Variants in VPS13B observed in about 807,000 individuals in gnomAD.
VPS13B encodes the protein vacuolar protein sorting 13 homolog B, also known as intermembrane lipid transfer protein VPS13B.
A neutral mutation model predicts 426.4 loss-of-function variants in VPS13B; 285 were observed. The ratio of observed to expected loss-of-function variants is 0.67; its 90% CI spans 0.61 to 0.74. VPS13B has a LOEUF of 0.74. VPS13B is among the 30% of genes least tolerant of loss of function. The pLI is 0.00. For synonymous variants in VPS13B, 1,676 were observed against 1,676.4 expected (o/e 1.00, Z 0.01); for missense variants, 4,537 against 4,782.6 (o/e 0.95, Z 1.51).
chr8:99,168,026 A>G (rs1459149899), intron 15 of VPS13B, among the ~76,000 whole-genome samples: 1 of 152,138 alleles, frequency 6.6e-6, no homozygotes, highest in Non-Finnish European at 1.5e-5. Flanking sequence ...TAGGTTTTGT[A>G]AATCTATGTA....
At chr8:99,275,041 G>A in intron 18 of VPS13B, 40 bp from the exon 19 acceptor site, 10 of 1,516,258 alleles carry the variant, frequency 6.6e-6, no homozygotes, top group African/African-American at 5.6e-5. Flanking sequence ...AGTGACTCAT[G>A]TTTTATTTTT....
intron 19 of VPS13B, among the ~76,000 whole-genome samples, chr8:99,294,161 C>T (rs1819898381): frequency 1.5e-5 from 1 of 65,282 alleles, no homozygotes; most frequent in Admixed American, 1.1e-4. Flanking sequence ...CAATGATAGA[C>T]TGGATTAAGA....
intron 33 of VPS13B, among the ~76,000 whole-genome samples, chr8:99,639,647 CAT>C (rs142420928): frequency 1.1e-4 from 17 of 147,978 alleles, no homozygotes; most frequent in East Asian, 5.9e-4. Flanking sequence ...TAAGTTATTG[CAT>C]ATATATATAT....
chr8:99,079,066 C>T (rs576883630), intron 3 of VPS13B, among the ~76,000 whole-genome samples: 14 of 152,136 alleles, frequency 9.2e-5, no homozygotes, highest in Non-Finnish European at 1.9e-4. Flanking sequence ...TATCAGGTGC[C>T]AGATGTGGTG....
At chr8:99,546,547 T>G (rs1185099743) in intron 30 of VPS13B, among the ~76,000 whole-genome samples, 2 of 152,054 alleles carry the variant, frequency 1.3e-5, no homozygotes, top group African/African-American at 4.8e-5. Flanking sequence ...ATCTGTAAAA[T>G]GAAGTCTACC....
chr8:99,653,486 T>A (rs919513017), intron 34 of VPS13B, among the ~76,000 whole-genome samples: 2 of 151,154 alleles, frequency 1.3e-5, no homozygotes, highest in African/African-American at 4.9e-5. Context: ...TTTTTTTCAC[T>A]GAATAGCACC....
rs907243467 is a variant in VPS13B, at chr8:99,563,529, G to GA, written c.4949+6884dup. On this transcript the variant is annotated intron_variant, in intron 31 of 61. Transcript: ENST00000357162. The stretch of plus-strand genomic sequence containing the variant: ...CAATCATTCATTTCTCTTTTTAAAA[G>GA]AAAAAAAAGAGAAATGAATGATTGA... Among the ~76,000 whole-genome samples the GA allele has an allele frequency of 7.9e-5, 12 of 151,782 alleles. No individual in the cohort carries two copies. In the East Asian group the frequency reaches 1.7e-3, roughly 22 times the overall value.
At chr8:99,764,021 A>G (rs1267855751) in intron 39 of VPS13B, among the ~76,000 whole-genome samples, 1 of 152,224 alleles carries the variant, frequency 6.6e-6, no homozygotes, top group Non-Finnish European at 1.5e-5. Flanking sequence ...TAGGAAAGAA[A>G]GGTTAGGGAG....
rs564401724 is a variant in VPS13B at position 99,243,933 on chromosome 8, A to G, written c.2516-30265A>G. On this transcript the variant is annotated intron_variant, in intron 17 of 61. Transcript: ENST00000357162. ...ACTGCAGAATCTTTAGCTTATAGAC[A>G]CAGCTGCAAACAGGTGAACAGGCAG... Among the ~76,000 whole-genome samples the G allele has an allele frequency of 7.9e-5, 12 of 152,354 alleles. No individual in the cohort carries two copies. The East Asian group carries it at 2.3e-3, about 29-fold the overall frequency.
chr8:99,763,135 CAAAAAAAAAAAA>C (rs750289763), intron 39 of VPS13B, among the ~76,000 whole-genome samples: 4,448 of 35,988 alleles, frequency 0.12, 119 homozygotes, highest in Middle Eastern at 0.14. Context: ...GACCTTGTCT[CAAAAAAAAAAAA>C]AAAAAAAAAA....
chr8:99,118,988 C>A (rs1393715485), intron 7 of VPS13B, among the ~76,000 whole-genome samples: 1 of 152,146 alleles, frequency 6.6e-6, no homozygotes, highest in African/African-American at 2.4e-5. Context: ...TTTTATATTC[C>A]TATCAACAAT....
intron 42 of VPS13B, among the ~76,000 whole-genome samples, chr8:99,783,771 G>C (rs1812130211): frequency 6.6e-6 from 1 of 152,190 alleles, no homozygotes; most frequent in Non-Finnish European, 1.5e-5. Context: ...TAGAGGGAAA[G>C]TTATGGTTTT....
intron 22 of VPS13B, among the ~76,000 whole-genome samples, chr8:99,441,733 A>G (rs758228177): frequency 2.6e-5 from 4 of 152,148 alleles, no homozygotes; most frequent in Admixed American, 2.6e-4. Flanking sequence ...GAACATTAAG[A>G]TAATACATGA....
rs2132637470 is a variant in VPS13B, at chr8:99,161,319, T to G, written c.2208+4576T>G. On this transcript the variant is annotated intron_variant, in intron 15 of 61. Coordinates refer to ENST00000357162, the MANE Select transcript of VPS13B (RefSeq NM_152564.5). ...TTATTTAACCCAATATATGCAAATA[T>G]TGGTTAACATGCAGTCAACATAAAA... Among the ~76,000 whole-genome samples, 4 of 152,304 alleles carry G rather than the reference T, an allele frequency of 2.6e-5. 1 individual carries two copies. Among genetic ancestry groups the G allele is most frequent in the Admixed American group, 2.6e-4 (4 of 15,296 alleles).
chr8:99,269,199 TA>T (rs1302337379), intron 17 of VPS13B, among the ~76,000 whole-genome samples: 1 of 152,092 alleles, frequency 6.6e-6, no homozygotes, highest in Non-Finnish European at 1.5e-5. Flanking sequence ...AGGAGGAAAA[TA>T]ACAGTGCATT....
chr8:99,473,080 G>GA (rs2133530097), intron 24 of VPS13B, among the ~76,000 whole-genome samples: 1 of 151,998 alleles, frequency 6.6e-6, no homozygotes, highest in East Asian at 1.9e-4. Flanking sequence ...AAATATTCTG[G>GA]AAAAAATAAC....
At chr8:99,057,858 A>G (rs766604051) in intron 3 of VPS13B, among the ~76,000 whole-genome samples, 1 of 152,072 alleles carries the variant, frequency 6.6e-6, no homozygotes. Flanking sequence ...CTGCTTTCCT[A>G]TCTCTTGAGT....
intron 36 of VPS13B, among the ~76,000 whole-genome samples, chr8:99,711,810 T>C (rs1435299659): frequency 6.6e-6 from 1 of 152,226 alleles, no homozygotes; most frequent in East Asian, 1.9e-4. Context: ...GCTAATTATT[T>C]ACTTTATCTT....
Position 99,391,671 on chromosome 8 carries a change from G to A in VPS13B, c.3049G>A (p.Ala1017Thr). The change falls in exon 21 of 62, where the codon GCC (alanine) becomes ACC (threonine). Residue 1017 changes from alanine (A) to threonine (T), a missense_variant. Physicochemically the swap from Ala to Thr is moderately conservative, Grantham distance 58 (BLOSUM62 0). Transcript: ENST00000357162. ...KQQSYQASEY[A>T]SSPVKTKTVT... ...GCAATCATATCAGGCCTCTGAATATGCCAGCAGCCCTGTAAAAACAAAAAC... is the reference window on the plus strand; with the variant it reads ...GCAATCATATCAGGCCTCTGAATATACCAGCAGCCCTGTAAAAACAAAAAC... 2 of 1,614,058 alleles carry A rather than the reference G, an allele frequency of 1.2e-6. No individual in the cohort carries two copies.
Sources: allele counts gnomAD v4.1 joint callset (sites outside exome capture counted in the v4.1 genomes callset), GRCh38; gene constraint gnomAD v4.1.1; transcripts MANE v1.5; gene names NCBI Gene and HGNC (gene_info 2026-07-23, HGNC 2026-07-21).